PHF20L1: variants seen among roughly 807,000 people sequenced by gnomAD.
The protein encoded by PHF20L1 is PHD finger protein 20 like 1.
Under a neutral mutation model 125.5 loss-of-function variants are expected in PHF20L1, and 44 were observed. That is an observed-to-expected ratio of 0.35 (90% CI 0.28 to 0.45). The LOEUF (loss-of-function observed/expected upper bound fraction) is 0.45. Among genes scored for constraint, PHF20L1 ranks in the 20% least tolerant of loss-of-function variants. PHF20L1 has a pLI of 1.00. For missense variants in PHF20L1, 1,012 were observed against 1,217.2 expected (o/e 0.83, Z 2.51); for synonymous variants, 380 against 403.1 (o/e 0.94, Z 0.69).
At chr8:132,831,497 A>G (rs1342427277) in intron 14 of PHF20L1, among the ~76,000 whole-genome samples, 2 of 152,116 alleles carry the variant, frequency 1.3e-5, no homozygotes, top group East Asian at 3.9e-4. Flanking sequence ...TTCCAGGACT[A>G]GTTAATTACC....
At chr8:132,829,531 T>C (rs775343936) in intron 14 of PHF20L1, among the ~76,000 whole-genome samples, 1 of 152,068 alleles carries the variant, frequency 6.6e-6, no homozygotes, top group African/African-American at 2.4e-5. Flanking sequence ...ACTGTGGTTA[T>C]GGTGAGGCCA....
At position 132,794,808 on chromosome 8, in the gene PHF20L1, A is replaced by C; in HGVS notation, c.331A>C (p.Asn111His). Residue 111 changes from asparagine to histidine, a missense_variant, in exon 4 of 21, where the codon AAC becomes CAC. Asn to His is a moderately conservative substitution (Grantham distance 68, BLOSUM62 1). Coordinates refer to ENST00000395386, the MANE Select transcript of PHF20L1 (RefSeq NM_016018.5). ...RYYPAKIEAI[N>H]KEGTFTVQFY... ...TTACCCTGCCAAGATTGAAGCAATT[A>C]ACAAAGAAGGTATGTGTTTGAAATG... 6.2e-7 allele frequency: 1 copy of C among 1,604,418 alleles called. No individual in the cohort carries two copies. Among genetic ancestry groups the C allele is most frequent in the Non-Finnish European group, 8.5e-7 (1 of 1,171,936 alleles).
chr8:132,836,429 CT>C, intron 15 of PHF20L1, 110 bp from the exon 16 acceptor site: 2 of 694,334 alleles, frequency 2.9e-6, no homozygotes, highest in Non-Finnish European at 4.8e-6. Flanking sequence ...TTTGCTCCCC[CT>C]TTTTAAAATG....
chr8:132,790,968 C>G (rs1831622613), intron 2 of PHF20L1, among the ~76,000 whole-genome samples: 1 of 152,172 alleles, frequency 6.6e-6, no homozygotes, highest in Non-Finnish European at 1.5e-5. Context: ...TCCCATTTCT[C>G]CTTTTGGCAT....
intron 14 of PHF20L1, 105 bp downstream of exon 14, chr8:132,825,476 C>T (rs775837812): frequency 1.6e-5 from 14 of 879,554 alleles, no homozygotes; most frequent in African/African-American, 6.8e-5. Context: ...CCCCGTGTCC[C>T]GTGTTGAGAA....
intron 4 of PHF20L1, among the ~76,000 whole-genome samples, chr8:132,795,976 A>G (rs1468484102): frequency 6.6e-6 from 1 of 152,056 alleles, no homozygotes; most frequent in East Asian, 1.9e-4. Flanking sequence ...ACCGCGGTTG[A>G]CTGCAACTGT....
In PHF20L1 at chr8:132,793,168, A is replaced by T. The variant is rs1255928423; in HGVS notation, c.84-1242A>T. Among the ~76,000 whole-genome samples the T allele has an allele frequency of 2.0e-5, 3 of 152,212 alleles. No individual in the cohort carries two copies. In the East Asian group the frequency reaches 5.8e-4, roughly 29 times the overall value. ...TTTAACCAAGTCTGCAGTGATTTGT[A>T]TACAAAGGAAGGGAAGGGTGGTTTA... is the stretch of plus-strand genomic sequence containing the variant. On this transcript the variant is annotated intron_variant, in intron 2 of 20. Transcript: ENST00000395386.
intron 4 of PHF20L1, among the ~76,000 whole-genome samples, chr8:132,796,281 C>T (rs553153449): frequency 2.6e-5 from 4 of 152,056 alleles, no homozygotes; most frequent in Admixed American, 6.6e-5. Flanking sequence ...AGCTAGAGTA[C>T]AGGTTGGAGA....
chr8:132,813,988 T>G (rs188381200), intron 9 of PHF20L1, among the ~76,000 whole-genome samples: 62 of 152,040 alleles, frequency 4.1e-4, no homozygotes, highest in African/African-American at 6.7e-4. Flanking sequence ...TGGTTTTTTT[T>G]TTGTTGTTGT....
chr8:132,839,123 A>G (rs2131907445), intron 17 of PHF20L1: 1 of 394,008 alleles, frequency 2.5e-6, no homozygotes, highest in Non-Finnish European at 4.6e-6. Context: ...CATTGAAAGC[A>G]GTACACTCAA....
In PHF20L1 at chr8:132,847,035, A is replaced by G. The variant is rs1050628099; in HGVS notation, c.*1112A>G. 1.3e-5 allele frequency: 2 copies of G among 152,516 alleles called. No homozygotes were observed. Among genetic ancestry groups the G allele is most frequent in the Non-Finnish European group, 2.9e-5 (2 of 67,982 alleles). The allele number at this position is 152,516 out of a possible 1,614,324, so 9.4% of individuals were successfully genotyped here. On this transcript the variant is annotated 3_prime_UTR_variant, in exon 21 of 21. Transcript: ENST00000395386. ...ACAAGTGGACAAATTTCTGAAACCA[A>G]AGGCAACTAAGTTGCTGTGTTAGCT...
At chr8:132,842,922 CA>C in intron 19 of PHF20L1, 47 bp downstream of exon 19, 1 of 1,529,794 alleles carries the variant, frequency 6.5e-7, no homozygotes, top group Non-Finnish European at 8.8e-7. Context: ...GAGAGAAGAA[CA>C]AAGGAAAATT....
At chr8:132,831,846 A>G (rs1270291783) in intron 14 of PHF20L1, among the ~76,000 whole-genome samples, 2 of 151,914 alleles carry the variant, frequency 1.3e-5, no homozygotes, top group South Asian at 2.1e-4. Context: ...GCTCTCCCCC[A>G]CTTCCCACAG....
At chr8:132,824,107 A>G in intron 13 of PHF20L1, 47 bp downstream of exon 13, 3 of 1,193,524 alleles carry the variant, frequency 2.5e-6, no homozygotes, top group Non-Finnish European at 3.7e-6. Flanking sequence ...AAAGCTTGAC[A>G]GAGAGGGAGG....
At chr8:132,811,869 T>G in intron 9 of PHF20L1, 1 of 979,764 alleles carries the variant, frequency 1.0e-6, no homozygotes. Context: ...TAATGTAGTT[T>G]TAATATATCC....
intron 12 of PHF20L1, among the ~76,000 whole-genome samples, chr8:132,823,592 GA>G (rs1386243189): frequency 6.6e-6 from 1 of 151,808 alleles, no homozygotes; most frequent in Non-Finnish European, 1.5e-5. Flanking sequence ...AGGAGAAAAT[GA>G]AAAAAATTAC....
At chr8:132,790,800 T>C (rs78974701) in intron 2 of PHF20L1, among the ~76,000 whole-genome samples, 6 of 152,352 alleles carry the variant, frequency 3.9e-5, no homozygotes, top group African/African-American at 1.4e-4. Flanking sequence ...AGGTCTATAT[T>C]CTATATGTCC....
chr8:132,842,349 A>G, intron 18 of PHF20L1, 166 bp from the exon 19 acceptor site: 2 of 498,672 alleles, frequency 4.0e-6, no homozygotes, highest in Non-Finnish European at 6.8e-6. Context: ...GAGAAGATTC[A>G]AATTTTGGAT....
chr8:132,816,821 C>A, intron 10 of PHF20L1, 67 bp from the exon 11 acceptor site: 1 of 997,096 alleles, frequency 1.0e-6, no homozygotes, highest in Non-Finnish European at 1.6e-6. Context: ...TCCCATTTAT[C>A]TCCTTAAATA....
Sources: allele counts gnomAD v4.1 joint callset (sites outside exome capture counted in the v4.1 genomes callset), GRCh38; gene constraint gnomAD v4.1.1; transcripts MANE v1.5; gene names NCBI Gene and HGNC (gene_info 2026-07-23, HGNC 2026-07-21).